RPRD1A: variants seen among roughly 807,000 people sequenced by gnomAD.
The protein encoded by RPRD1A is regulation of nuclear pre-mRNA domain containing 1A, also known as regulation of nuclear pre-mRNA domain-containing protein 1A.
Under a neutral mutation model 37.8 loss-of-function variants are expected in RPRD1A, and 9 were observed. The ratio of observed to expected loss-of-function variants is 0.24; its 90% CI spans 0.14 to 0.42. RPRD1A has a LOEUF of 0.42. Among genes scored for constraint, RPRD1A ranks in the 10% least tolerant of loss-of-function variants. The pLI, the probability that RPRD1A is intolerant of heterozygous loss-of-function variation, is 1.00. For missense variants in RPRD1A, 255 were observed against 371.0 expected, an observed-to-expected ratio of 0.69 and a Z score of 2.57; for synonymous variants, 138 against 139.7, an observed-to-expected ratio of 0.99 and a Z score of 0.08.
chr18:36,048,510 A>C (rs1244928936), intron 1 of RPRD1A, among the ~76,000 whole-genome samples: 1 of 152,220 alleles, frequency 6.6e-6, no homozygotes, highest in Non-Finnish European at 1.5e-5. Flanking sequence ...CCACATTAAC[A>C]GACTAAAAAG....
intron 1 of RPRD1A, among the ~76,000 whole-genome samples, chr18:36,040,511 C>T (rs190235124): frequency 2.7e-4 from 41 of 152,266 alleles, no homozygotes; most frequent in African/African-American, 8.9e-4. Context: ...ACAAGTGTTT[C>T]AGCTTCATTT....
intron 1 of RPRD1A, among the ~76,000 whole-genome samples, chr18:36,046,743 G>A (rs2144358767): frequency 6.6e-6 from 1 of 151,754 alleles, no homozygotes; most frequent in African/African-American, 2.4e-5. Context: ...GGCTGAGGTG[G>A]GAGGACTGCT....
At chr18:36,002,704 C>T (rs913053734) in intron 6 of RPRD1A, among the ~76,000 whole-genome samples, 1 of 152,162 alleles carries the variant, frequency 6.6e-6, no homozygotes, top group Non-Finnish European at 1.5e-5. Context: ...AAAATTTGTG[C>T]CATATGTAAG....
At chr18:36,024,113 TAATA>T (rs1911194394) in intron 6 of RPRD1A, among the ~76,000 whole-genome samples, 3 of 152,098 alleles carry the variant, frequency 2.0e-5, no homozygotes, top group Non-Finnish European at 2.9e-5. Context: ...CTAAAGTTAT[TAATA>T]GTCTATTTTA....
At chr18:36,020,865 C>T (rs560302839) in intron 6 of RPRD1A, among the ~76,000 whole-genome samples, 1 of 151,184 alleles carries the variant, frequency 6.6e-6, no homozygotes, top group Admixed American at 6.6e-5. Context: ...AATTATCATA[C>T]ATCCATATAT....
intron 1 of RPRD1A, among the ~76,000 whole-genome samples, chr18:36,048,663 A>G (rs1221133363): frequency 6.6e-6 from 1 of 152,080 alleles, no homozygotes; most frequent in African/African-American, 2.4e-5. Flanking sequence ...AAAGAAAAAA[A>G]AAACCTACAG....
chr18:36,057,299 A>G (rs1231433610), intron 1 of RPRD1A, among the ~76,000 whole-genome samples: 3 of 151,948 alleles, frequency 2.0e-5, no homozygotes, highest in East Asian at 3.9e-4. Context: ...ACTTATTTTC[A>G]GACATAAAAC....
At chr18:36,057,134 T>C (rs756488712) in intron 1 of RPRD1A, among the ~76,000 whole-genome samples, 9 of 150,798 alleles carry the variant, frequency 6.0e-5, no homozygotes, top group Non-Finnish European at 1.0e-4. Context: ...GGAGGATTGA[T>C]TGAGCCTGGG....
intron 6 of RPRD1A, among the ~76,000 whole-genome samples, chr18:35,996,840 A>G (rs1286874902): frequency 2.0e-5 from 3 of 151,886 alleles, no homozygotes; most frequent in Non-Finnish European, 4.4e-5. Flanking sequence ...TTATCCAGAC[A>G]TGGGTGGCAT....
chr18:36,027,334 C>A, intron 4 of RPRD1A, 24 bp from the exon 5 acceptor site: 2 of 1,612,148 alleles, frequency 1.2e-6, no homozygotes, highest in Non-Finnish European at 1.7e-6. Flanking sequence ...AACTTCAGAA[C>A]CAAAATAAAT....
chr18:36,038,013 C>T (rs750946529), intron 1 of RPRD1A, among the ~76,000 whole-genome samples: 2 of 152,086 alleles, frequency 1.3e-5, no homozygotes, highest in Non-Finnish European at 2.9e-5. Flanking sequence ...GGAATTGGAA[C>T]TTATGTTTAA....
intron 1 of RPRD1A, among the ~76,000 whole-genome samples, chr18:36,065,404 CATTTT>C (rs2144445033): frequency 6.6e-6 from 1 of 152,256 alleles, no homozygotes; most frequent in South Asian, 2.1e-4. Context: ...GATAGTATTA[CATTTT>C]ATTAATATCA....
At chr18:36,037,471 CTG>C (rs1283202656) in intron 1 of RPRD1A, among the ~76,000 whole-genome samples, 1 of 152,208 alleles carries the variant, frequency 6.6e-6, no homozygotes. Flanking sequence ...CCCTGAAGAA[CTG>C]TGAGTCAATT....
intron 1 of RPRD1A, among the ~76,000 whole-genome samples, chr18:36,066,620 ACACTG>A (rs1815803883): frequency 6.6e-6 from 1 of 152,238 alleles, no homozygotes; most frequent in Non-Finnish European, 1.5e-5. Flanking sequence ...CAAAACAAAG[ACACTG>A]CATTAGGGCA....
intron 6 of RPRD1A, among the ~76,000 whole-genome samples, chr18:35,996,971 C>T (rs1909101039): frequency 9.2e-6 from 1 of 108,970 alleles, no homozygotes; most frequent in African/African-American, 4.3e-5. Flanking sequence ...GAGTGAGACC[C>T]TGTCTCAAAA....
At chr18:36,000,876 A>AC (rs2144157976) in intron 6 of RPRD1A, among the ~76,000 whole-genome samples, 1 of 152,258 alleles carries the variant, frequency 6.6e-6, no homozygotes, top group East Asian at 1.9e-4. Context: ...CCTCCCTCTC[A>AC]TATCCTGGAA....
intron 6 of RPRD1A, among the ~76,000 whole-genome samples, chr18:36,000,135 T>C (rs1242203005): frequency 6.6e-6 from 1 of 152,056 alleles, no homozygotes; most frequent in Non-Finnish European, 1.5e-5. Context: ...TCTGTTACCA[T>C]CCCCAGGGGA....
intron 6 of RPRD1A, among the ~76,000 whole-genome samples, chr18:36,018,862 G>A (rs1206938907): frequency 6.6e-6 from 1 of 152,158 alleles, no homozygotes; most frequent in Non-Finnish European, 1.5e-5. Flanking sequence ...AAGGATGTAG[G>A]ACTCTCTGAA....
intron 6 of RPRD1A, among the ~76,000 whole-genome samples, chr18:36,013,602 T>A (rs2144213017): frequency 6.6e-6 from 1 of 152,314 alleles, no homozygotes; most frequent in African/African-American, 2.4e-5. Context: ...GTGAAGCTGT[T>A]GTCCACGGGT....
Sources: allele counts gnomAD v4.1 joint callset (sites outside exome capture counted in the v4.1 genomes callset), GRCh38; gene constraint gnomAD v4.1.1; transcripts MANE v1.5; gene names NCBI Gene and HGNC (gene_info 2026-07-23, HGNC 2026-07-21).